The following CCND3 variants were observed in gnomAD, a reference collection of about 807,000 sequenced individuals.
CCND3 encodes the protein G1/S-specific cyclin-D3.
Under a neutral mutation model 28.7 loss-of-function variants are expected in CCND3, and 9 were observed. The observed-to-expected ratio is 0.31, with a 90% confidence interval of 0.19 to 0.55. CCND3 has a LOEUF of 0.55. Ranked by LOEUF, CCND3 falls within the 20% of genes least tolerant of loss-of-function variation. CCND3 has a pLI of 0.93. For synonymous variants in CCND3, 164 were observed against 163.9 expected (o/e 1.00, Z 0.00); for missense variants, 315 against 385.8 (o/e 0.82, Z 1.54).
Position 41,936,434 on chromosome 6 carries a change from G to GC in CCND3, c.711+124dup. 8.5e-7 allele frequency: 1 copy of GC among 1,171,302 alleles called. No homozygotes were observed. The allele number at this position is 1,171,302 out of a possible 1,614,324, so 72.6% of individuals were successfully genotyped here. A position where few individuals can be genotyped will look rare whatever the true frequency, so the allele number is the denominator to read the frequency against. ...AAGGCAGGAGATAAAAAGCCACAAAGCCCCAAGGTTGTGAAACCAGGACTT... is the reference window on the plus strand; with the variant it reads ...AAGGCAGGAGATAAAAAGCCACAAAGCCCCCAAGGTTGTGAAACCAGGACTT... On this transcript the variant is annotated intron_variant, in intron 4 of 4. Transcript: ENST00000372991. This position sits in a 1 kb window ranked among gnomAD's most constrained non-coding sequence, Gnocchi z 4.4.
intron 1 of CCND3, among the ~76,000 whole-genome samples, chr6:41,968,272 T>C (rs72853823): frequency 0.02 from 2,972 of 152,306 alleles, 45 homozygotes; most frequent in Non-Finnish European, 0.03. Flanking sequence ...AATCCTAATA[T>C]CTTTATGACA....
At chr6:41,968,065 G>A (rs1761937854) in intron 1 of CCND3, among the ~76,000 whole-genome samples, 1 of 152,182 alleles carries the variant, frequency 6.6e-6, no homozygotes, top group Non-Finnish European at 1.5e-5. Context: ...TAGGAGAGGA[G>A]AAGCAGTATG....
chr6:42,041,526 C>T (rs142808711), intron 1 of CCND3, among the ~76,000 whole-genome samples: 6 of 152,278 alleles, frequency 3.9e-5, no homozygotes, highest in African/African-American at 1.4e-4. Context: ...GAAGAGTCTC[C>T]AAGTTTGTGG....
chr6:42,015,364 C>T (rs1763469639), intron 1 of CCND3, among the ~76,000 whole-genome samples: 1 of 152,088 alleles, frequency 6.6e-6, no homozygotes, highest in South Asian at 2.1e-4. Flanking sequence ...GCTTGATATA[C>T]ATTACCTCAT....
intron 1 of CCND3, among the ~76,000 whole-genome samples, chr6:41,980,010 TCACA>T (rs58375638): frequency 1.5e-5 from 2 of 137,088 alleles, no homozygotes; most frequent in African/African-American, 5.4e-5. Context: ...GCTTTCAAAA[TCACA>T]CACACACACA....
In CCND3 at chr6:42,031,812, TC is replaced by T. The variant is rs550172280; in HGVS notation, c.-46+16688del. Among the ~76,000 whole-genome samples, 73 of 141,264 alleles carry T rather than the reference TC, an allele frequency of 5.2e-4. No homozygotes were observed. In the East Asian group the frequency reaches 0.012, roughly 23 times the overall value. The allele number at this position is 141,264 out of a possible 152,430, so 92.7% of individuals were successfully genotyped here. A position where few individuals can be genotyped will look rare whatever the true frequency, so the allele number is the denominator to read the frequency against. ...TTACCACATATATTTTGCAACTGAC[TC>T]TTTTTTTTTTTTTTTTTTTGAGACA... On this transcript the variant is annotated intron_variant, in intron 1 of 4. Coordinates refer to the CCND3 transcript ENST00000372988.
In CCND3 at chr6:41,941,305, G is replaced by A; in HGVS notation, c.198+147C>T. 3 of 1,459,900 alleles carry A rather than the reference G, an allele frequency of 2.1e-6. No individual in the cohort carries two copies. Among genetic ancestry groups the A allele is most frequent in the African/African-American group, 1.4e-5 (1 of 70,540 alleles). 90.4% of individuals were successfully genotyped at this position (1,459,900 alleles called of 1,614,324 possible). A position where few individuals can be genotyped will look rare whatever the true frequency, so the allele number is the denominator to read the frequency against. On this transcript the variant is annotated intron_variant, in intron 1 of 4. Coordinates refer to ENST00000372991, the MANE Select transcript of CCND3 (RefSeq NM_001760.5). The surrounding 1 kb of genome is among the most constrained non-coding windows in gnomAD (Gnocchi z 6.1). ...GGAAAGCAAGGGAGGCAGCTGGCGT[G>A]GGTGCCCTAGTGAAAGGCCAGGCCC...
At chr6:41,944,333 A>C (rs565276380), upstream of CCND3, among the ~76,000 whole-genome samples, 1 of 152,220 alleles carries the variant, frequency 6.6e-6, no homozygotes, top group East Asian at 1.9e-4. Flanking sequence ...TACATTTTGC[A>C]AAAACAAAAT....
chr6:41,936,420 TA>T lies in CCND3; in HGVS notation c.711+138del. On this transcript the variant is annotated intron_variant, in intron 4 of 4. Transcript: ENST00000372991. The surrounding 1 kb of genome is among the most constrained non-coding windows in gnomAD (Gnocchi z 4.4). ...CTCTTCCCCAGACCAAGGCAGGAGA[TA>T]AAAAGCCACAAAGCCCCAAGGTTGT... The T allele has an allele frequency of 1.9e-6, 2 of 1,036,926 alleles. No individual in the cohort carries two copies. The highest frequency in any genetic ancestry group is 2.8e-6 in the Non-Finnish European group (2 of 704,254). The allele number at this position is 1,036,926 out of a possible 1,614,324, so 64.2% of individuals were successfully genotyped here.
intron 1 of CCND3, among the ~76,000 whole-genome samples, chr6:41,963,042 C>T (rs146102671): frequency 1.8e-3 from 267 of 152,322 alleles, no homozygotes; most frequent in Non-Finnish European, 1.7e-3. Context: ...TGAGCCACCA[C>T]GCCTGGCCAA....
intron 1 of CCND3, among the ~76,000 whole-genome samples, chr6:42,021,738 C>G (rs1176442686): frequency 6.6e-6 from 1 of 152,050 alleles, no homozygotes; most frequent in Non-Finnish European, 1.5e-5. Flanking sequence ...CAGGAACACC[C>G]CAGGATCTAT....
chr6:42,036,387 ATATATATATATATATATTTTT>A lies in CCND3; in HGVS notation c.-46+12093_-46+12113del, dbSNP rs1385901468. ...TGGAGTGCATATATACTATATATAT[ATATATATATATATATATTTTT>A]TTTTTTTTTTTTTTTTTTTGACACA... is the stretch of plus-strand genomic sequence containing the variant. On this transcript the variant is annotated intron_variant, in intron 1 of 4. Coordinates refer to the CCND3 transcript ENST00000372988. Among the ~76,000 whole-genome samples the A allele has an allele frequency of 5.0e-4, 18 of 35,648 alleles. 1 individual carries two copies. The highest frequency in any genetic ancestry group is 1.8e-3 in the African/African-American group (17 of 9,602). The allele number at this position is 35,648 out of a possible 152,430, so 23.4% of individuals were successfully genotyped here. A position where few individuals can be genotyped will look rare whatever the true frequency, so the allele number is the denominator to read the frequency against.
At chr6:41,969,390 C>G (rs1435279237) in intron 1 of CCND3, among the ~76,000 whole-genome samples, 1 of 152,128 alleles carries the variant, frequency 6.6e-6, no homozygotes, top group Non-Finnish European at 1.5e-5. Context: ...GTGGCGCACG[C>G]CTGTAATCCC....
intron 1 of CCND3, among the ~76,000 whole-genome samples, chr6:42,021,063 A>C (rs1022731967): frequency 6.6e-6 from 1 of 152,156 alleles, no homozygotes; most frequent in Non-Finnish European, 1.5e-5. Context: ...CAGTTTCACT[A>C]TCTTTGGTTT....
intron 1 of CCND3, among the ~76,000 whole-genome samples, chr6:42,009,481 G>A (rs894493939): frequency 7.2e-5 from 11 of 152,074 alleles, no homozygotes; most frequent in Non-Finnish European, 1.0e-4. Context: ...GTGTGGTGGC[G>A]GATGCCTGTA....
chr6:41,987,621 G>A (rs1762528534), intron 1 of CCND3, among the ~76,000 whole-genome samples: 1 of 150,276 alleles, frequency 6.7e-6, no homozygotes, highest in Non-Finnish European at 1.5e-5. Flanking sequence ...TCCAGCCTCA[G>A]TCTCCCAAGT....
chr6:41,954,469 T>G (rs532831921), intron 1 of CCND3, among the ~76,000 whole-genome samples: 1 of 151,478 alleles, frequency 6.6e-6, no homozygotes, highest in Admixed American at 6.6e-5. Context: ...GAGAATTACT[T>G]GAACCCTGGA....
Position 41,936,744 on chromosome 6 carries a change from A to G in CCND3, c.575-49T>C, listed in dbSNP as rs150213945. The G allele has an allele frequency of 6.2e-5, 98 of 1,592,390 alleles. No individual in the cohort carries two copies. Among genetic ancestry groups the G allele is most frequent in the Middle Eastern group, 3.3e-4 (2 of 5,974 alleles). ...ATGAGAGAAGGAAACCTGAAGGATA[A>G]CGGCCAGCATGGACTTCCGACTCCT... On this transcript the variant is annotated intron_variant, in intron 3 of 4. Transcript: ENST00000372991. The surrounding 1 kb of genome is among the most constrained non-coding windows in gnomAD (Gnocchi z 4.4).
intron 1 of CCND3, among the ~76,000 whole-genome samples, chr6:42,002,163 T>G: frequency 6.7e-6 from 1 of 149,092 alleles, no homozygotes; most frequent in African/African-American, 2.5e-5. Context: ...CTGTGTATTT[T>G]GGCCAGGCAT....
Sources: gnomAD v4.1 joint callset for allele counts (sites outside exome capture counted in the v4.1 genomes callset) on GRCh38, gnomAD v4.1.1 for gene constraint, Gnocchi (gnomAD v3.1) non-coding constraint, MANE v1.5 for transcripts, NCBI Gene and HGNC (gene_info 2026-07-23, HGNC 2026-07-21) for gene names.